ASPH: variants seen among roughly 807,000 people sequenced by gnomAD.
The protein encoded by ASPH is aspartyl/asparaginyl beta-hydroxylase.
ASPH carries 100 observed loss-of-function variants against 118.4 expected under a neutral mutation model. The observed-to-expected ratio is 0.84, with a 90% CI of 0.72 to 1.00. The LOEUF is 1.00. Among genes scored for constraint, ASPH ranks in the 50% least tolerant of loss-of-function variants. The probability of loss-of-function intolerance (pLI) is 0.00; values close to 1 mark genes in which losing one functional copy is unlikely to be tolerated. For missense variants in ASPH, 920 were observed against 919.5 expected (o/e 1.00, Z -0.01); for synonymous variants, 315 against 325.6 (o/e 0.97, Z 0.35).
chr8:61,704,376 A>G (rs554412586), intron 1 of ASPH, among the ~76,000 whole-genome samples: 1 of 152,120 alleles, frequency 6.6e-6, no homozygotes, highest in South Asian at 2.1e-4. Flanking sequence ...TATAAATCTA[A>G]TTCAAAATTA....
At chr8:61,664,733 C>CGGGAGGGCT (rs908030026) in intron 3 of ASPH, 6 of 977,452 alleles carry the variant, frequency 6.1e-6, no homozygotes, top group Non-Finnish European at 7.3e-6. Context: ...TGAAAGGCTG[C>CGGGAGGGCT]GGGAGGGCTG....
At chr8:61,616,135 G>T (rs959941919) in intron 14 of ASPH, among the ~76,000 whole-genome samples, 1 of 152,136 alleles carries the variant, frequency 6.6e-6, no homozygotes, top group African/African-American at 2.4e-5. Context: ...TTAAATGGGG[G>T]GAGAGTGACA....
Position 61,672,746 on chromosome 8 carries a change from A to G in ASPH, c.322+8222T>C, listed in dbSNP as rs1176011346. Among the ~76,000 whole-genome samples, 6 of 152,208 alleles carry G rather than the reference A, an allele frequency of 3.9e-5. No individual in the cohort carries two copies. The East Asian group carries it at 1.2e-3, about 29-fold the overall frequency. On this transcript the variant is annotated intron_variant, in intron 3 of 24. Coordinates refer to ENST00000379454, the MANE Select transcript of ASPH (RefSeq NM_004318.4). ...AAGTATTACAGGGTCATCTCAACAA[A>G]TAACAAAGGCAGTGAATTCTGAATA...
chr8:61,584,122 T>A (rs1781691300), intron 14 of ASPH, 93 bp from the exon 15 acceptor site: 5 of 762,102 alleles, frequency 6.6e-6, no homozygotes, highest in Non-Finnish European at 1.0e-5. Flanking sequence ...AACCTGATGC[T>A]GGTCTCCACC....
At chr8:61,697,481 A>C (rs1834199028) in intron 1 of ASPH, among the ~76,000 whole-genome samples, 1 of 152,110 alleles carries the variant, frequency 6.6e-6, no homozygotes, top group African/African-American at 2.4e-5. Flanking sequence ...GTCAGATCCC[A>C]CAGGTTGAGG....
intron 14 of ASPH, among the ~76,000 whole-genome samples, chr8:61,596,988 CA>C (rs1017166504): frequency 2.1e-4 from 32 of 151,434 alleles, no homozygotes; most frequent in Non-Finnish European, 3.8e-4. Context: ...ATAAATGACA[CA>C]AAAAAATTAA....
At chr8:61,510,876 T>A (rs1422454806) in intron 24 of ASPH, among the ~76,000 whole-genome samples, 1 of 152,180 alleles carries the variant, frequency 6.6e-6, no homozygotes, top group Non-Finnish European at 1.5e-5. Flanking sequence ...GCAATGCAGA[T>A]GAAGATGGGA....
intron 3 of ASPH, 79 bp from the exon 4 acceptor site, chr8:61,653,739 TCAAACATTTA>T: frequency 2.2e-6 from 3 of 1,393,274 alleles, no homozygotes; most frequent in Non-Finnish European, 2.0e-6. Flanking sequence ...AATAATATTT[TCAAACATTTA>T]ATTAATAGTG....
At chr8:61,650,982 C>A in intron 5 of ASPH, 68 bp downstream of exon 5, 1 of 1,451,928 alleles carries the variant, frequency 6.9e-7, no homozygotes, top group African/African-American at 1.4e-5. Context: ...AAACAAATGT[C>A]CAAGTCATTT....
chr8:61,588,297 T>G (rs1340403641), intron 14 of ASPH, among the ~76,000 whole-genome samples: 1 of 152,152 alleles, frequency 6.6e-6, no homozygotes, highest in Non-Finnish European at 1.5e-5. Context: ...GTGGTTGAAA[T>G]ATTAAGAGCA....
At chr8:61,610,362 G>A (rs1330393449) in intron 14 of ASPH, among the ~76,000 whole-genome samples, 1 of 152,210 alleles carries the variant, frequency 6.6e-6, no homozygotes, top group African/African-American at 2.4e-5. Flanking sequence ...TTTTAACACA[G>A]CTAAAAACCT....
chr8:61,528,335 C>T (rs1816268997), intron 21 of ASPH, among the ~76,000 whole-genome samples: 1 of 152,210 alleles, frequency 6.6e-6, no homozygotes, highest in African/African-American at 2.4e-5. Flanking sequence ...GCTGTATGTT[C>T]ACATCTTCCC....
At chr8:61,576,640 G>C in intron 16 of ASPH, 132 bp downstream of exon 16, 1 of 675,436 alleles carries the variant, frequency 1.5e-6, no homozygotes, top group Non-Finnish European at 2.4e-6. Context: ...TGTATTTCTT[G>C]CTTATGCATA....
At chr8:61,638,587 A>G (rs1413631140) in intron 10 of ASPH, among the ~76,000 whole-genome samples, 2 of 152,086 alleles carry the variant, frequency 1.3e-5, no homozygotes, top group East Asian at 1.9e-4. Context: ...ACCTTTTTAA[A>G]ATTTTACTAC....
At chr8:61,703,061 G>A (rs1835669896) in intron 1 of ASPH, among the ~76,000 whole-genome samples, 1 of 152,088 alleles carries the variant, frequency 6.6e-6, no homozygotes, top group African/African-American at 2.4e-5. Flanking sequence ...ATATAAAAAG[G>A]ACAATTCAAA....
chr8:61,525,888 T>C (rs1284487072), intron 22 of ASPH, 89 bp downstream of exon 22: 2 of 1,532,996 alleles, frequency 1.3e-6, no homozygotes, highest in Non-Finnish European at 8.8e-7. Flanking sequence ...GAATCCCAGC[T>C]CTGGGAAGCA....
intron 1 of ASPH, among the ~76,000 whole-genome samples, chr8:61,708,377 C>T (rs1015314416): frequency 6.6e-6 from 1 of 152,116 alleles, no homozygotes; most frequent in African/African-American, 2.4e-5. Flanking sequence ...ATTCTTTCAA[C>T]AAATATTTAC....
intron 3 of ASPH, chr8:61,664,826 G>A (rs1818709984): frequency 6.1e-6 from 6 of 989,022 alleles, no homozygotes; most frequent in Non-Finnish European, 7.2e-6. Flanking sequence ...AGCAGGAAGG[G>A]GAAGGAGGGA....
intron 14 of ASPH, among the ~76,000 whole-genome samples, chr8:61,591,600 C>G (rs1251663174): frequency 6.6e-6 from 1 of 152,082 alleles, no homozygotes; most frequent in Non-Finnish European, 1.5e-5. Context: ...AAAAACTTCC[C>G]AAAGCAGCTT....
Sources: allele counts gnomAD v4.1 joint callset (sites outside exome capture counted in the v4.1 genomes callset), GRCh38; gene constraint gnomAD v4.1.1; transcripts MANE v1.5; gene names NCBI Gene and HGNC (gene_info 2026-07-23, HGNC 2026-07-21).